Variants in PKD1L1 observed in about 807,000 individuals in gnomAD.
PKD1L1 encodes polycystin 1 like 1, transient receptor potential channel interacting, also known as polycystin-1-like protein 1.
In PKD1L1, 236 loss-of-function variants were observed where a neutral mutation model predicts 323.4. The ratio of observed to expected loss-of-function variants is 0.73; its 90% confidence interval spans 0.66 to 0.81. The LOEUF (loss-of-function observed/expected upper bound fraction) is 0.81, where lower values mean the gene tolerates loss of function less well. Ranked by LOEUF, PKD1L1 falls within the 40% of genes least tolerant of loss-of-function variation. PKD1L1 has a pLI of 0.00. For synonymous variants in PKD1L1, 1,344 were observed against 1,335.0 expected (o/e 1.01, Z -0.15); for missense variants, 3,320 against 3,508.0 (o/e 0.95, Z 1.35).
chr7:47,956,248 C>T, the PKD1L1 span, among the ~76,000 whole-genome samples: 1 of 152,240 alleles, frequency 6.6e-6, no homozygotes. Context: ...GAGAATTTCT[C>T]TGGAATCAGT....
In PKD1L1 at chr7:47,889,509, T is replaced by C. The variant is rs537266533; in HGVS notation, c.2675+1033A>G. Among the ~76,000 whole-genome samples, 5 of 152,278 alleles carry C rather than the reference T, an allele frequency of 3.3e-5. No individual in the cohort carries two copies. In the South Asian group the frequency reaches 6.2e-4, roughly 19 times the overall value. On this transcript the variant is annotated intron_variant, in intron 16 of 56. Coordinates refer to ENST00000289672, the MANE Select transcript of PKD1L1 (RefSeq NM_138295.5). ...GCTCCCTGGGCAGTGCTGTATGACC[T>C]TGGGGCTCACCATGGCATGGCCCAC...
At chr7:47,959,971 A>G in the PKD1L1 span, among the ~76,000 whole-genome samples, 4 of 152,012 alleles carry the variant, frequency 2.6e-5, no homozygotes, top group East Asian at 2.0e-4. Flanking sequence ...GATGGTTGCC[A>G]TGTCTGTGTA....
intron 17 of PKD1L1, 119 bp from the exon 18 acceptor site, chr7:47,886,173 A>T (rs1786680348): frequency 7.5e-7 from 1 of 1,330,846 alleles, no homozygotes; most frequent in Non-Finnish European, 1.0e-6. Flanking sequence ...TGAATTTGAA[A>T]ACCTACACTT....
intron 28 of PKD1L1, among the ~76,000 whole-genome samples, chr7:47,856,459 G>T (rs1226955067): frequency 6.6e-6 from 1 of 152,202 alleles, no homozygotes; most frequent in Admixed American, 6.5e-5. Flanking sequence ...TTCTATTTGA[G>T]TTATAATAAT....
At chr7:47,779,351 T>A (rs907015628) in intron 56 of PKD1L1, among the ~76,000 whole-genome samples, 1 of 152,214 alleles carries the variant, frequency 6.6e-6, no homozygotes, top group African/African-American at 2.4e-5. Flanking sequence ...TGGGATACGA[T>A]GCTGTTCAAA....
intron 56 of PKD1L1, among the ~76,000 whole-genome samples, chr7:47,778,714 T>C (rs1051246830): frequency 5.3e-5 from 8 of 152,208 alleles, no homozygotes; most frequent in African/African-American, 1.9e-4. Flanking sequence ...ATCCTCATCT[T>C]TGTATGAGTT....
intron 55 of PKD1L1, 126 bp downstream of exon 55, chr7:47,795,863 G>T: frequency 2.6e-6 from 3 of 1,161,100 alleles, no homozygotes; most frequent in Non-Finnish European, 3.7e-6. Context: ...TAATTTTGTG[G>T]CTTTGCAAGG....
At chr7:47,813,710 C>T in intron 48 of PKD1L1, 2 of 636,502 alleles carry the variant, frequency 3.1e-6, no homozygotes, top group South Asian at 1.8e-5. Context: ...AAGAAACCTG[C>T]AGCAGAACGT....
chr7:47,806,344 T>C (rs985013033), intron 52 of PKD1L1, among the ~76,000 whole-genome samples: 2 of 152,236 alleles, frequency 1.3e-5, no homozygotes. Flanking sequence ...AGCTGGCCGC[T>C]ATCTGTGGGC....
intron 3 of PKD1L1, 97 bp downstream of exon 3, chr7:47,940,096 G>T: frequency 6.7e-7 from 1 of 1,481,676 alleles, no homozygotes; most frequent in Admixed American, 1.8e-5. Flanking sequence ...AACAATCCCT[G>T]ATGAATTCCT....
intron 26 of PKD1L1, among the ~76,000 whole-genome samples, chr7:47,862,213 G>A (rs898945467): frequency 1.3e-5 from 2 of 152,096 alleles, no homozygotes; most frequent in Non-Finnish European, 1.5e-5. Flanking sequence ...AAGAGCAATT[G>A]GATTGTGTCC....
intron 26 of PKD1L1, among the ~76,000 whole-genome samples, chr7:47,861,555 CA>C (rs1189810599): frequency 2.0e-5 from 3 of 152,114 alleles, no homozygotes; most frequent in Non-Finnish European, 4.4e-5. Flanking sequence ...TGCAGAGAGT[CA>C]AGTGGAAATG....
At chr7:47,811,772 T>A in intron 50 of PKD1L1, 45 bp downstream of exon 50, 2 of 1,496,066 alleles carry the variant, frequency 1.3e-6, no homozygotes, top group Non-Finnish European at 1.8e-6. Context: ...TGAAGCCCCA[T>A]CTTCCTGTGC....
chr7:47,855,289 G>A, intron 28 of PKD1L1, 24 bp from the exon 29 acceptor site: 1 of 1,572,180 alleles, frequency 6.4e-7, no homozygotes, highest in Non-Finnish European at 8.7e-7. Flanking sequence ...GACCATCTCA[G>A]AGCAAATGAC....
intron 26 of PKD1L1, among the ~76,000 whole-genome samples, chr7:47,861,904 A>C (rs865850744): frequency 6.7e-5 from 10 of 148,338 alleles, no homozygotes; most frequent in South Asian, 2.2e-4. Context: ...AAAAAAAAAA[A>C]AACAATTGGG....
At chr7:47,779,623 T>C (rs1445419634) in intron 56 of PKD1L1, among the ~76,000 whole-genome samples, 1 of 152,216 alleles carries the variant, frequency 6.6e-6, no homozygotes, top group Non-Finnish European at 1.5e-5. Flanking sequence ...CGTCTGAGAA[T>C]GGCTCCACCT....
chr7:47,833,330 T>C (rs1463703450), intron 40 of PKD1L1, 78 bp from the exon 41 acceptor site: 4 of 1,488,720 alleles, frequency 2.7e-6, no homozygotes, highest in Admixed American at 1.9e-5. Flanking sequence ...GTGGTGTGGC[T>C]TGCCGCCTTC....
chr7:47,868,960 T>C (rs1786225361), intron 24 of PKD1L1, among the ~76,000 whole-genome samples: 2 of 152,178 alleles, frequency 1.3e-5, no homozygotes, highest in Admixed American at 6.5e-5. Flanking sequence ...AGATGTAACA[T>C]ACATAACAAT....
At chr7:47,956,840 C>T in the PKD1L1 span, 2 of 158,122 alleles carry the variant, frequency 1.3e-5, no homozygotes, top group South Asian at 3.8e-4. Context: ...TGATGATCAA[C>T]CCAGAGGACT....
Sources: allele counts gnomAD v4.1 joint callset (sites outside exome capture counted in the v4.1 genomes callset), GRCh38; gene constraint gnomAD v4.1.1; transcripts MANE v1.5; gene names NCBI Gene and HGNC (gene_info 2026-07-23, HGNC 2026-07-21).